The following EYS variants were observed in gnomAD, a reference collection of about 807,000 sequenced individuals.
EYS encodes the protein EGF-like photoreceptor maintenance factor, also known as protein eyes shut homolog.
EYS carries 250 observed loss-of-function variants against 282.1 expected under a neutral mutation model. That is an observed-to-expected ratio of 0.89 (90% CI 0.80 to 0.98). EYS has a LOEUF of 0.98. EYS is among the 50% of genes least tolerant of loss of function. EYS has a pLI of 0.00. For synonymous variants in EYS, 1,355 were observed against 1,282.9 expected (o/e 1.06, Z -1.20); for missense variants, 4,016 against 3,709.0 (o/e 1.08, Z -2.15).
intron 2 of EYS, among the ~76,000 whole-genome samples, chr6:65,537,000 A>T (rs2127315928): frequency 6.6e-6 from 1 of 152,338 alleles, no homozygotes; most frequent in South Asian, 2.1e-4. Context: ...TGATGTATGT[A>T]GCCACATATG....
intron 5 of EYS, among the ~76,000 whole-genome samples, chr6:65,486,674 T>C (rs1279084266): frequency 2.0e-5 from 3 of 152,146 alleles, no homozygotes; most frequent in Admixed American, 6.6e-5. Flanking sequence ...GGCTCCTAAA[T>C]TTCAAGGATA....
At chr6:63,850,879 C>A (rs1053677391) in intron 36 of EYS, among the ~76,000 whole-genome samples, 8 of 152,154 alleles carry the variant, frequency 5.3e-5, no homozygotes, top group African/African-American at 1.9e-4. Flanking sequence ...CACAGACTGG[C>A]AAATTGGATA....
intron 31 of EYS, among the ~76,000 whole-genome samples, chr6:64,106,626 T>TTGTGTG (rs35062611): frequency 1.3e-5 from 2 of 150,486 alleles, no homozygotes; most frequent in Admixed American, 1.3e-4. Context: ...GTAGCTGGTT[T>TTGTGTG]TGTGTGTGTG....
At position 64,591,155 on chromosome 6, in the gene EYS, G is replaced by A. The variant is rs1341636573; in HGVS notation, c.4712C>T (p.Ser1571Leu). 7 of 1,551,168 alleles carry A rather than the reference G, an allele frequency of 4.5e-6. No individual in the cohort carries two copies. Among genetic ancestry groups the A allele is most frequent in the Non-Finnish European group, 4.4e-6 (5 of 1,146,770 alleles). The change falls in exon 26 of 43, where the codon TCA becomes TTA. Residue 1571 changes from serine to leucine, a missense_variant. Physicochemically the swap from Ser to Leu is moderately radical, Grantham distance 145 (BLOSUM62 -2). Transcript: ENST00000503581. ...MTEIKSSREF[S>L]DQVLHSKQSH... is the part of the protein sequence containing the mutation. ...CTGTTTGCTATGCAAAACTTGATCT[G>A]AGAATTCACGAGAGGATTTTATTTC...
intron 14 of EYS, among the ~76,000 whole-genome samples, chr6:64,976,013 C>T (rs1340443763): frequency 6.6e-6 from 1 of 151,616 alleles, no homozygotes; most frequent in Non-Finnish European, 1.5e-5. Flanking sequence ...TTAAAATAAA[C>T]TAGTTTGACT....
intron 11 of EYS, among the ~76,000 whole-genome samples, chr6:65,300,184 T>C (rs1439932174): frequency 2.6e-5 from 4 of 152,148 alleles, no homozygotes; most frequent in Admixed American, 6.5e-5. Context: ...AGTCTTTTTG[T>C]CCTTAGAAAT....
chr6:65,446,495 T>C (rs1768662777), intron 5 of EYS, among the ~76,000 whole-genome samples: 1 of 151,872 alleles, frequency 6.6e-6, no homozygotes, highest in South Asian at 2.1e-4. Flanking sequence ...GATTCATTGC[T>C]GTGTACACAG....
chr6:65,698,966 A>C (rs2149850480), intron 1 of EYS, among the ~76,000 whole-genome samples: 1 of 152,306 alleles, frequency 6.6e-6, no homozygotes, highest in Non-Finnish European at 1.5e-5. Flanking sequence ...GTATTTCTTC[A>C]AACTAGTCAA....
intron 22 of EYS, among the ~76,000 whole-genome samples, chr6:64,710,926 G>GA (rs1194965194): frequency 6.6e-6 from 1 of 152,190 alleles, no homozygotes; most frequent in Non-Finnish European, 1.5e-5. Flanking sequence ...AATGATATAT[G>GA]ATATAGGTGC....
intron 1 of EYS, among the ~76,000 whole-genome samples, chr6:65,679,553 G>A (rs1768745652): frequency 6.6e-6 from 1 of 151,708 alleles, no homozygotes; most frequent in Non-Finnish European, 1.5e-5. Flanking sequence ...GGGAAATGAG[G>A]AGTTATTGTC....
At chr6:64,260,361 T>C (rs557502752) in intron 30 of EYS, among the ~76,000 whole-genome samples, 2 of 152,176 alleles carry the variant, frequency 1.3e-5, no homozygotes, top group South Asian at 2.1e-4. Context: ...GCTTGTTTGT[T>C]TTATGTCTCC....
chr6:65,473,752 C>T (rs1486289400), intron 5 of EYS, among the ~76,000 whole-genome samples: 1 of 150,392 alleles, frequency 6.6e-6, no homozygotes, highest in African/African-American at 2.4e-5. Flanking sequence ...TATGGGGTGA[C>T]ATTGAAGTCC....
chr6:64,700,142 A>G (rs182975638), intron 22 of EYS, among the ~76,000 whole-genome samples: 265 of 150,854 alleles, frequency 1.8e-3, no homozygotes, highest in Non-Finnish European at 2.9e-3. Flanking sequence ...CCATATAATC[A>G]TCTAAATAGA....
intron 26 of EYS, among the ~76,000 whole-genome samples, chr6:64,561,138 A>G (rs1765381882): frequency 6.6e-6 from 1 of 152,150 alleles, no homozygotes; most frequent in Non-Finnish European, 1.5e-5. Flanking sequence ...CTAAATGTTA[A>G]AAACTTTCAA....
chr6:64,473,259 C>T (rs1020587581), intron 26 of EYS, among the ~76,000 whole-genome samples: 6 of 152,136 alleles, frequency 3.9e-5, no homozygotes, highest in South Asian at 2.1e-4. Flanking sequence ...AACAATCATG[C>T]GGTGTTCTTT....
At chr6:64,600,035 A>G (rs1363812647) in intron 24 of EYS, among the ~76,000 whole-genome samples, 1 of 152,178 alleles carries the variant, frequency 6.6e-6, no homozygotes, top group Admixed American at 6.5e-5. Context: ...TATTGACAGT[A>G]ACATTTGAAG....
intron 13 of EYS, among the ~76,000 whole-genome samples, 192 bp downstream of exon 13, chr6:65,057,422 T>A (rs910084738): frequency 1.3e-5 from 2 of 152,140 alleles, no homozygotes; most frequent in African/African-American, 4.8e-5. Flanking sequence ...TATTTTAGTG[T>A]GTATGTAAAC....
At chr6:64,244,508 G>T (rs1304028970) in intron 30 of EYS, among the ~76,000 whole-genome samples, 1 of 152,106 alleles carries the variant, frequency 6.6e-6, no homozygotes, top group Non-Finnish European at 1.5e-5. Context: ...ATTCATCTAG[G>T]TTAGGTTGTT....
chr6:65,489,515 T>C (rs747949847), intron 5 of EYS: 7 of 152,166 alleles, frequency 4.6e-5, no homozygotes, highest in Non-Finnish European at 7.3e-5. Context: ...GGAATGCTTT[T>C]ACACTGTTGG....
Sources: gnomAD v4.1 joint callset for allele counts (sites outside exome capture counted in the v4.1 genomes callset) on GRCh38, gnomAD v4.1.1 for gene constraint, MANE v1.5 for transcripts, NCBI Gene and HGNC (gene_info 2026-07-23, HGNC 2026-07-21) for gene names.